Variants in TRMT11 observed in about 807,000 individuals in gnomAD.
The protein encoded by TRMT11 is tRNA methyltransferase 11.
TRMT11 carries 53 observed loss-of-function variants against 62.8 expected under a neutral mutation model. The ratio of observed to expected loss-of-function variants is 0.84; its 90% CI spans 0.68 to 1.06. The LOEUF (loss-of-function observed/expected upper bound fraction) is 1.06. Among genes scored for constraint, TRMT11 ranks in the 50% least tolerant of loss-of-function variants. The pLI, the probability that TRMT11 is intolerant of heterozygous loss-of-function variation, is 0.00. For missense variants in TRMT11, 556 were observed against 553.4 expected, an observed-to-expected ratio of 1.00 and a Z score of -0.05; for synonymous variants, 188 against 190.3, an observed-to-expected ratio of 0.99 and a Z score of 0.10.
chr6:126,016,232 A>G (rs188988598), intron 11 of TRMT11, among the ~76,000 whole-genome samples: 1 of 152,106 alleles, frequency 6.6e-6, no homozygotes, highest in East Asian at 1.9e-4. Flanking sequence ...TTTCTGCCCC[A>G]TTTACTTCAT....
At position 126,093,603 on chromosome 6, in the gene TRMT11, A is replaced by G. The variant is rs1186836971; in HGVS notation, c.*1438-19263A>G. Among the ~76,000 whole-genome samples, 9 of 85,914 alleles carry G rather than the reference A, an allele frequency of 1.0e-4. 1 individual carries two copies. The highest frequency in any genetic ancestry group is 6.6e-4 in the African/African-American group (9 of 13,686). 56.4% of individuals were successfully genotyped at this position (85,914 alleles called of 152,430 possible). A position where few individuals can be genotyped will look rare whatever the true frequency, so the allele number is the denominator to read the frequency against. ...TATGTATGTATATATATATATATAT[A>G]TATATATATATATATATATATATAT... On this transcript the variant is annotated intron_variant and NMD_transcript_variant, in intron 17 of 22. Transcript: ENST00000648977.
At chr6:126,149,387 T>C (rs930925584) in intron 21 of TRMT11, among the ~76,000 whole-genome samples, 2 of 152,166 alleles carry the variant, frequency 1.3e-5, no homozygotes, top group Non-Finnish European at 2.9e-5. Flanking sequence ...GTATCTCTAT[T>C]GGGGTCATCT....
rs564964532 is a variant in TRMT11, at chr6:126,167,941, C to G, written c.*1824-6884C>G. Among the ~76,000 whole-genome samples, 2 of 152,188 alleles carry G rather than the reference C, an allele frequency of 1.3e-5. 1 individual carries two copies. The highest frequency in any genetic ancestry group is 4.8e-5 in the African/African-American group (2 of 41,516). The stretch of plus-strand genomic sequence containing the variant: ...AGAATGTAAACATTTTATTCAGAAG[C>G]CTGTGATGTTGGAAAGAGGAGGTTT... On this transcript the variant is annotated intron_variant and NMD_transcript_variant, in intron 21 of 22. Coordinates refer to the TRMT11 transcript ENST00000648977.
intron 21 of TRMT11, among the ~76,000 whole-genome samples, chr6:126,131,866 C>A (rs1311325673): frequency 6.6e-5 from 10 of 151,728 alleles, no homozygotes; most frequent in Non-Finnish European, 1.3e-4. Context: ...GATATAAAAC[C>A]TCAGCCTTTG....
chr6:126,033,988 T>C (rs1774693762), intron 12 of TRMT11, among the ~76,000 whole-genome samples: 1 of 152,120 alleles, frequency 6.6e-6, no homozygotes, highest in Admixed American at 6.6e-5. Context: ...CCTAAAACTT[T>C]AGATCTGAAA....
At chr6:126,085,842 G>C (rs1187827143) in intron 17 of TRMT11, among the ~76,000 whole-genome samples, 4 of 152,186 alleles carry the variant, frequency 2.6e-5, no homozygotes, top group African/African-American at 9.7e-5. Flanking sequence ...GGGCGATGAT[G>C]TGTCAATGTA....
chr6:126,119,843 A>G (rs1468937520), intron 21 of TRMT11, among the ~76,000 whole-genome samples: 1 of 152,184 alleles, frequency 6.6e-6, no homozygotes, highest in Non-Finnish European at 1.5e-5. Flanking sequence ...TATCCTAAGA[A>G]AAACAATTAG....
intron 21 of TRMT11, among the ~76,000 whole-genome samples, chr6:126,155,743 C>T (rs541957275): frequency 7.9e-5 from 12 of 152,284 alleles, no homozygotes; most frequent in African/African-American, 2.2e-4. Context: ...CTTTTTGAGA[C>T]GGAGTCTCGC....
chr6:126,055,664 C>T (rs986660588), intron 17 of TRMT11, among the ~76,000 whole-genome samples: 2 of 152,162 alleles, frequency 1.3e-5, no homozygotes, highest in African/African-American at 4.8e-5. Context: ...AACATCTGAT[C>T]ATAAAGGAAT....
intron 21 of TRMT11, among the ~76,000 whole-genome samples, chr6:126,119,886 T>C (rs1259128377): frequency 1.3e-5 from 2 of 152,138 alleles, no homozygotes; most frequent in African/African-American, 4.8e-5. Context: ...AGATGTTCAC[T>C]GGGACATTAT....
At chr6:126,207,755 G>C (rs1361500657), downstream of TRMT11, among the ~76,000 whole-genome samples, 1 of 152,156 alleles carries the variant, frequency 6.6e-6, no homozygotes, top group African/African-American at 2.4e-5. Context: ...TTGCCAGCAA[G>C]TGCATTATGC....
chr6:126,008,919 T>A (rs1793773028), intron 8 of TRMT11, among the ~76,000 whole-genome samples: 1 of 152,058 alleles, frequency 6.6e-6, no homozygotes, highest in Non-Finnish European at 1.5e-5. Flanking sequence ...ATAATTTTAC[T>A]TGTTTTTATA....
chr6:126,100,965 C>G (rs949924846), intron 17 of TRMT11, among the ~76,000 whole-genome samples: 1 of 152,076 alleles, frequency 6.6e-6, no homozygotes, highest in African/African-American at 2.4e-5. Flanking sequence ...CTTCTATGCA[C>G]GGTTCACAGT....
downstream of TRMT11, among the ~76,000 whole-genome samples, chr6:126,203,262 G>T (rs1337925180): frequency 6.6e-6 from 1 of 152,138 alleles, no homozygotes; most frequent in Non-Finnish European, 1.5e-5. Flanking sequence ...TTTTCATTTT[G>T]CAGTGAGCCC....
chr6:126,177,848 C>A (rs1778405578), intron 1 of TRMT11, among the ~76,000 whole-genome samples: 1 of 152,104 alleles, frequency 6.6e-6, no homozygotes, highest in Non-Finnish European at 1.5e-5. Flanking sequence ...TATACAGCCT[C>A]TCTCAATGCA....
rs79677758 is a variant in TRMT11, at chr6:126,030,469, A to G, written c.1261-8236A>G. Among the ~76,000 whole-genome samples, 25 of 152,324 alleles carry G rather than the reference A, an allele frequency of 1.6e-4. No individual in the cohort carries two copies. The East Asian group carries it at 4.6e-3, about 28-fold the overall frequency. ...TTCCTCACACCTTACTTAAGAATGT[A>G]TATCATAGCTTTAATCGGTTCCATG... On this transcript the variant is annotated intron_variant, in intron 12 of 12. Transcript: ENST00000334379.
chr6:126,178,894 T>C (rs993051579), intron 1 of TRMT11, among the ~76,000 whole-genome samples: 9 of 152,298 alleles, frequency 5.9e-5, no homozygotes, highest in African/African-American at 1.9e-4. Flanking sequence ...ATTTCAATTC[T>C]GCCCGAAAAA....
chr6:126,014,338 C>T (rs945182822), intron 11 of TRMT11, among the ~76,000 whole-genome samples: 1 of 151,838 alleles, frequency 6.6e-6, no homozygotes, highest in Non-Finnish European at 1.5e-5. Flanking sequence ...GAAACCTCCA[C>T]CTCCTGGGTT....
chr6:126,222,461 C>T, the TRMT11 span, among the ~76,000 whole-genome samples: 1 of 151,890 alleles, frequency 6.6e-6, no homozygotes, highest in Middle Eastern at 3.4e-3. Context: ...GAATGTTTTT[C>T]CATTTCCATT....
Sources: allele counts gnomAD v4.1 joint callset (sites outside exome capture counted in the v4.1 genomes callset), GRCh38; gene constraint gnomAD v4.1.1; transcripts MANE v1.5; gene names NCBI Gene and HGNC (gene_info 2026-07-23, HGNC 2026-07-21).